Variants in CP observed in about 807,000 individuals in gnomAD.
CP encodes ceruloplasmin, also known as caeruloplasmin.
A neutral mutation model predicts 122.4 loss-of-function variants in CP; 64 were observed. The ratio of observed to expected loss-of-function variants is 0.52; its 90% confidence interval spans 0.43 to 0.64. CP has a LOEUF of 0.64. Ranked by LOEUF, CP falls within the 30% of genes least tolerant of loss-of-function variation. CP has a pLI of 0.00. For missense variants in CP, 1,167 were observed against 1,284.4 expected (o/e 0.91, Z 1.40); for synonymous variants, 440 against 436.4 (o/e 1.01, Z -0.10).
At chr3:149,220,032 C>T (rs1728705186) in intron 1 of CP, among the ~76,000 whole-genome samples, 1 of 152,108 alleles carries the variant, frequency 6.6e-6, no homozygotes, top group Non-Finnish European at 1.5e-5. Flanking sequence ...TAAGAAGAGA[C>T]TAATATAGTC....
At chr3:149,206,708 G>GAGGT (rs1488406366) in intron 5 of CP, among the ~76,000 whole-genome samples, 3 of 152,062 alleles carry the variant, frequency 2.0e-5, no homozygotes, top group African/African-American at 7.2e-5. Flanking sequence ...GGTGGAGGAG[G>GAGGT]AGGTACAAGG....
chr3:149,221,659 A>G lies in CP; in HGVS notation c.134T>C (p.Ile45Thr), dbSNP rs1479096097. 2.5e-6 allele frequency: 4 copies of G among 1,612,178 alleles called. No individual in the cohort carries two copies. Among genetic ancestry groups the G allele is most frequent in the Middle Eastern group, 1.7e-4 (1 of 6,054 alleles). The part of the protein sequence containing the change: ...YASDHGEKKL[I>T]SVDTEHSNIY... Reference sequence around the variant, plus strand: ...AATAGTGACTTACGTGTCAACAGAAATAAGTTTCTTTTCCCCATGGTCAGA... The same window carrying G: ...AATAGTGACTTACGTGTCAACAGAAGTAAGTTTCTTTTCCCCATGGTCAGA... The change falls in exon 1 of 19, where the codon ATT becomes ACT. Residue 45 changes from isoleucine (I) to threonine (T), a missense_variant. Ile to Thr is a moderately conservative substitution (Grantham distance 89). Around this residue, in one of 2 missense-constraint regions of CP, gnomAD observed 642 missense variants for 627.3 expected, o/e 1.02. Coordinates refer to ENST00000264613, the MANE Select transcript of CP (RefSeq NM_000096.4).
intron 1 of CP, among the ~76,000 whole-genome samples, chr3:149,217,559 C>T (rs916498451): frequency 6.6e-6 from 1 of 152,172 alleles, no homozygotes; most frequent in African/African-American, 2.4e-5. Context: ...TAAAAGTTTC[C>T]TCCCTGCCCA....
Position 149,207,455 on chromosome 3 carries a change from T to C in CP, c.944A>G (p.Asn315Ser), listed in dbSNP as rs370682704. The C allele has an allele frequency of 2.0e-4, 327 of 1,613,812 alleles. 1 individual carries two copies. In the Middle Eastern group the frequency reaches 9.7e-3, roughly 48 times the overall value. Reference protein sequence around the residue: ...TNKNYRIDTINLFPATLFDAY... With the variant: ...TNKNYRIDTISLFPATLFDAY... ...ATCAAACAGGGTAGCAGGAAAGAGG[T>C]TGATTGTGTCAATACGGTAGTTCTT... The change falls in exon 5 of 19, where the codon AAC becomes AGC. Residue 315 changes from asparagine to serine, a missense_variant. Asn to Ser is a conservative substitution (Grantham distance 46). Around this residue, in one of 2 missense-constraint regions of CP, gnomAD observed 642 missense variants for 627.3 expected, o/e 1.02. Transcript: ENST00000264613.
chr3:149,181,161 T>A (rs1725748818), intron 14 of CP, among the ~76,000 whole-genome samples: 1 of 151,984 alleles, frequency 6.6e-6, no homozygotes, highest in Non-Finnish European at 1.5e-5. Flanking sequence ...AAATCTCGAG[T>A]CTGAGGTCCT....
At chr3:149,194,245 A>AT (rs10718513) in intron 9 of CP, among the ~76,000 whole-genome samples, 2,729 of 137,980 alleles carry the variant, frequency 0.02, 37 homozygotes, top group Middle Eastern at 0.062. Context: ...TTTATTTTTT[A>AT]TTTTTTTTTT....
rs1725198599 is a variant in CP, at chr3:149,173,610, T to G, written c.*104A>C. 1.3e-6 allele frequency: 1 copy of G among 778,850 alleles called. No homozygotes were observed. The highest frequency in any genetic ancestry group is 2.6e-5 in the Admixed American group (1 of 37,902). The allele number at this position is 778,850 out of a possible 1,614,324, so 48.2% of individuals were successfully genotyped here. On this transcript the variant is annotated 3_prime_UTR_variant, in exon 19 of 19. Coordinates refer to ENST00000264613, the MANE Select transcript of CP (RefSeq NM_000096.4). ...TTGTATGCTTCCAGTCTTCTTTTAA[T>G]GTTTATAGTCATTCCAAAGTAACAT...
intron 6 of CP, among the ~76,000 whole-genome samples, chr3:149,203,616 A>G (rs1727499845): frequency 6.6e-6 from 1 of 152,210 alleles, no homozygotes; most frequent in Non-Finnish European, 1.5e-5. Context: ...CAAAGTTGGT[A>G]TTATTCTCCC....
chr3:149,184,833 G>A (rs999958055), intron 12 of CP, among the ~76,000 whole-genome samples: 4 of 152,170 alleles, frequency 2.6e-5, no homozygotes, highest in Non-Finnish European at 4.4e-5. Flanking sequence ...GATGTGAAAT[G>A]ACCGATTGTT....
chr3:149,184,028 C>CTTTTTTT lies in CP; in HGVS notation c.2286-430_2286-424dup, dbSNP rs869206210. Among the ~76,000 whole-genome samples the CTTTTTTT allele has an allele frequency of 6.6e-3, 419 of 63,588 alleles. 56 individuals carry two copies. Among genetic ancestry groups the CTTTTTTT allele is most frequent in the African/African-American group, 6.9e-3 (112 of 16,346 alleles). The allele number at this position is 63,588 out of a possible 152,430, so 41.7% of individuals were successfully genotyped here. A position where few individuals can be genotyped will look rare whatever the true frequency, so the allele number is the denominator to read the frequency against. On this transcript the variant is annotated intron_variant, in intron 12 of 18. Transcript: ENST00000264613. ...CCAGGCATTCCCTTTTCACTTACTTCTTTTTTTTTTTTTTTTTTTTTTTTT... is the reference window on the plus strand; with the variant it reads ...CCAGGCATTCCCTTTTCACTTACTTCTTTTTTTTTTTTTTTTTTTTTTTTTTTTTTTT...
chr3:149,187,600 A>T (rs965582633), intron 10 of CP, among the ~76,000 whole-genome samples: 1 of 152,218 alleles, frequency 6.6e-6, no homozygotes, highest in Non-Finnish European at 1.5e-5. Flanking sequence ...ATCTTTCTGC[A>T]TATTGAATAA....
At chr3:149,172,076 G>C (rs760179059), downstream of CP, 4 of 1,610,540 alleles carry the variant, frequency 2.5e-6, no homozygotes, top group African/African-American at 4.0e-5. Flanking sequence ...TTCTAATTCA[G>C]ATATTCTTTT....
intron 7 of CP, among the ~76,000 whole-genome samples, chr3:149,200,431 CT>C (rs1421268549): frequency 1.3e-5 from 2 of 152,124 alleles, no homozygotes; most frequent in African/African-American, 4.8e-5. Flanking sequence ...GATTTAATCC[CT>C]ATACCAACTT....
chr3:149,178,994 A>T (rs1048377202), intron 15 of CP, among the ~76,000 whole-genome samples: 9 of 152,206 alleles, frequency 5.9e-5, no homozygotes, highest in African/African-American at 1.9e-4. Context: ...AAAAATCCAT[A>T]GATGAATGAA....
At chr3:149,217,379 G>A (rs1322233791) in intron 1 of CP, among the ~76,000 whole-genome samples, 2 of 152,120 alleles carry the variant, frequency 1.3e-5, no homozygotes, top group African/African-American at 4.8e-5. Flanking sequence ...TCAGCGCCTT[G>A]GGTTCCTACG....
At chr3:149,207,773 A>G (rs1214784687) in intron 4 of CP, 156 bp from the exon 5 acceptor site, 3 of 768,850 alleles carry the variant, frequency 3.9e-6, no homozygotes, top group African/African-American at 3.4e-5. Context: ...TTGCTAATCA[A>G]TCACAGCACT....
chr3:149,178,071 G>T, intron 16 of CP, 92 bp from the exon 17 acceptor site: 3 of 1,206,876 alleles, frequency 2.5e-6, no homozygotes, highest in East Asian at 2.4e-5. Context: ...TTAATGTAAA[G>T]AATCTTTTTG....
chr3:149,178,756 T>G, intron 15 of CP, 125 bp from the exon 16 acceptor site: 1 of 704,914 alleles, frequency 1.4e-6, no homozygotes, highest in South Asian at 1.6e-5. Flanking sequence ...CTTTGCCCAA[T>G]GTGGTACTGC....
intron 8 of CP, among the ~76,000 whole-genome samples, chr3:149,198,924 G>C (rs1284679294): frequency 6.6e-6 from 1 of 152,174 alleles, no homozygotes; most frequent in Non-Finnish European, 1.5e-5. Context: ...CTAGAACAAT[G>C]CCGGCAATAC....
Sources: allele counts gnomAD v4.1 joint callset (sites outside exome capture counted in the v4.1 genomes callset), GRCh38; gene constraint gnomAD v4.1.1; regional missense constraint gnomAD v4.1.1; transcripts MANE v1.5; gene names NCBI Gene and HGNC (gene_info 2026-07-23, HGNC 2026-07-21).